Variants in EIF4G3 observed in about 807,000 individuals in gnomAD.
EIF4G3 encodes the protein eIF-4-gamma 3.
EIF4G3 carries 34 observed loss-of-function variants against 186.4 expected under a neutral mutation model. That is an observed-to-expected ratio of 0.18 (90% CI 0.14 to 0.24). The LOEUF (loss-of-function observed/expected upper bound fraction) is 0.24. EIF4G3 is among the 10% of genes least tolerant of loss of function. The probability of loss-of-function intolerance (pLI) is 1.00; values close to 1 mark genes in which losing one functional copy is unlikely to be tolerated. For missense variants in EIF4G3, 1,536 were observed against 1,948.5 expected (o/e 0.79, Z 3.99); for synonymous variants, 673 against 679.5 (o/e 0.99, Z 0.15).
chr1:20,843,138 C>T (rs573125533), intron 29 of EIF4G3, among the ~76,000 whole-genome samples: 2 of 152,078 alleles, frequency 1.3e-5, no homozygotes, highest in South Asian at 4.1e-4. Context: ...CATACCTGGC[C>T]CCTTGTGGGT....
rs55649192 is a variant in EIF4G3, at chr1:21,075,570, C to CAAAAAAA, written c.-196+13561_-196+13567dup. 2.1e-3 allele frequency among the ~76,000 whole-genome samples: 107 copies of CAAAAAAA among 51,522 alleles called. 4 individuals carry two copies. Among genetic ancestry groups the CAAAAAAA allele is most frequent in the East Asian group, 7.1e-3 (8 of 1,128 alleles). The allele number at this position is 51,522 out of a possible 152,430, so 33.8% of individuals were successfully genotyped here. A position where few individuals can be genotyped will look rare whatever the true frequency, so the allele number is the denominator to read the frequency against. On this transcript the variant is annotated intron_variant, in intron 3 of 36. Transcript: ENST00000602326. ...GGCAACAGAGTGAGACTCCAACTCACAAAAAAAAAAAAAAAAAAAAAAAAA... is the reference window on the plus strand; with the variant it reads ...GGCAACAGAGTGAGACTCCAACTCACAAAAAAAAAAAAAAAAAAAAAAAAAAAAAAAA...
chr1:20,928,377 T>C (rs1298964524), intron 14 of EIF4G3, among the ~76,000 whole-genome samples: 1 of 152,160 alleles, frequency 6.6e-6, no homozygotes, highest in Admixed American at 6.6e-5. Flanking sequence ...AATCCTTATA[T>C]AGATGCTGGT....
intron 2 of EIF4G3, among the ~76,000 whole-genome samples, chr1:21,127,663 C>CAACA (rs1486958568): frequency 6.6e-6 from 1 of 152,152 alleles, no homozygotes; most frequent in Non-Finnish European, 1.5e-5. Context: ...GGGATTCAAA[C>CAACA]AACAACTATC....
chr1:20,908,826 A>T (rs112367216), intron 14 of EIF4G3, among the ~76,000 whole-genome samples: 1 of 152,152 alleles, frequency 6.6e-6, no homozygotes, highest in Non-Finnish European at 1.5e-5. Flanking sequence ...ATGTGTTTTT[A>T]AAAATAGTTT....
In EIF4G3 at chr1:20,886,202, T is replaced by C. The variant is rs1334958199; in HGVS notation, c.2423A>G (p.Gln808Arg). The change falls in exon 19 of 37, where the codon CAG (glutamine) becomes CGG (arginine). Residue 808 changes from glutamine (Q) to arginine (R), a missense_variant and splice_region_variant. Gln to Arg is a conservative substitution (Grantham distance 43). Around this residue, in one of 11 missense-constraint regions of EIF4G3, gnomAD observed 139 missense variants for 192.8 expected, o/e 0.72. Transcript: ENST00000602326. ...QADDPENIKT[Q>R]ELFRKVRSIL... Reference sequence around the variant, plus strand: ...GTTAGGATATGCTTTTGTTCTCACCTGGGTTTTAATGTTTTCGGGATCATC... The same window carrying C: ...GTTAGGATATGCTTTTGTTCTCACCCGGGTTTTAATGTTTTCGGGATCATC... 3.7e-6 allele frequency: 6 copies of C among 1,611,292 alleles called. No individual in the cohort carries two copies. The highest frequency in any genetic ancestry group is 5.1e-6 in the Non-Finnish European group (6 of 1,179,216).
At chr1:20,985,277 A>C (rs2079197137) in intron 7 of EIF4G3, among the ~76,000 whole-genome samples, 1 of 152,264 alleles carries the variant, frequency 6.6e-6, no homozygotes, top group African/African-American at 2.4e-5. Context: ...AATTTCTTCT[A>C]CCTACACAAC....
At chr1:20,928,017 T>C (rs1572972252) in intron 14 of EIF4G3, among the ~76,000 whole-genome samples, 1 of 151,752 alleles carries the variant, frequency 6.6e-6, no homozygotes. Flanking sequence ...ACCACCATGC[T>C]TGGCTAATTT....
intron 36 of EIF4G3, among the ~76,000 whole-genome samples, chr1:20,809,360 A>T (rs550831669): frequency 6.6e-6 from 1 of 152,324 alleles, no homozygotes; most frequent in African/African-American, 2.4e-5. Context: ...TTTATCTCCA[A>T]GAGCGATTCA....
chr1:21,132,985 T>C (rs1026407244), intron 2 of EIF4G3, among the ~76,000 whole-genome samples: 1 of 151,746 alleles, frequency 6.6e-6, no homozygotes, highest in African/African-American at 2.4e-5. Flanking sequence ...GATTTCACCA[T>C]GTTGTCCAGG....
chr1:21,151,236 C>CTTTTTTTTTTTTTTTTTT (rs71014161), intron 2 of EIF4G3, among the ~76,000 whole-genome samples: 9 of 80,406 alleles, frequency 1.1e-4, no homozygotes, highest in South Asian at 5.4e-4. Flanking sequence ...GTATTTCTTT[C>CTTTTTTTTTTTTTTTTTT]TTTTTTTTTT....
chr1:21,165,595 G>A (rs1474554743), intron 2 of EIF4G3, among the ~76,000 whole-genome samples: 2 of 152,082 alleles, frequency 1.3e-5, no homozygotes, highest in Non-Finnish European at 2.9e-5. Flanking sequence ...AAATACATTA[G>A]TCCATTTACG....
chr1:21,085,043 C>T (rs1187843667), intron 3 of EIF4G3, among the ~76,000 whole-genome samples: 2 of 150,430 alleles, frequency 1.3e-5, no homozygotes, highest in Non-Finnish European at 3.0e-5. Flanking sequence ...AATATATAAC[C>T]ATTTATTATT....
At position 20,828,273 on chromosome 1, in the gene EIF4G3, G is replaced by A. The variant is rs898435040; in HGVS notation, c.4188-575C>T. 1.3e-5 allele frequency among the ~76,000 whole-genome samples: 2 copies of A among 151,942 alleles called. 1 individual carries two copies. Among genetic ancestry groups the A allele is most frequent in the South Asian group, 4.2e-4 (2 of 4,816 alleles). On this transcript the variant is annotated intron_variant, in intron 31 of 36. Coordinates refer to ENST00000602326, the MANE Select transcript of EIF4G3 (RefSeq NM_001391906.1). Reference sequence around the variant, plus strand: ...TTTTGATTTCCTGACCTTGTGATCCGCCTGCCTCGGCCTCCCAAAGTGCTG... The same window carrying A: ...TTTTGATTTCCTGACCTTGTGATCCACCTGCCTCGGCCTCCCAAAGTGCTG...
chr1:21,116,174 A>C (rs1350296757), intron 2 of EIF4G3, among the ~76,000 whole-genome samples: 1 of 152,166 alleles, frequency 6.6e-6, no homozygotes, highest in Non-Finnish European at 1.5e-5. Flanking sequence ...AATAACAGAA[A>C]ATTTCTCAGA....
intron 32 of EIF4G3, 34 bp from the exon 33 acceptor site, chr1:20,825,232 C>T (rs749873320): frequency 2.5e-6 from 2 of 798,244 alleles, no homozygotes; most frequent in Admixed American, 5.1e-5. Flanking sequence ...CATTTACTTT[C>T]ACAGTGGAAG....
chr1:21,136,343 C>G (rs1213220411), intron 2 of EIF4G3, among the ~76,000 whole-genome samples: 1 of 151,946 alleles, frequency 6.6e-6, no homozygotes, highest in Non-Finnish European at 1.5e-5. Context: ...ATGGTGAAAC[C>G]CCATCTCTAC....
At chr1:21,003,171 CTTT>C (rs376496321) in intron 4 of EIF4G3, among the ~76,000 whole-genome samples, 19 of 106,014 alleles carry the variant, frequency 1.8e-4, no homozygotes, top group Non-Finnish European at 3.1e-4. Context: ...TAATTTTTTT[CTTT>C]TTTTTTTTTT....
At chr1:21,018,106 T>TA (rs77494925) in intron 4 of EIF4G3, among the ~76,000 whole-genome samples, 86 of 141,534 alleles carry the variant, frequency 6.1e-4, no homozygotes, top group Admixed American at 8.5e-4. Context: ...GCCCAGTAAT[T>TA]AAAAAAAAAA....
intron 16 of EIF4G3, among the ~76,000 whole-genome samples, chr1:20,898,663 C>T (rs1488541324): frequency 6.6e-6 from 1 of 152,128 alleles, no homozygotes; most frequent in Admixed American, 6.5e-5. Context: ...TACACTCAAA[C>T]CCCACCTCCT....
Sources: allele counts gnomAD v4.1 joint callset (sites outside exome capture counted in the v4.1 genomes callset), GRCh38; gene constraint gnomAD v4.1.1; regional missense constraint gnomAD v4.1.1; transcripts MANE v1.5; gene names NCBI Gene and HGNC (gene_info 2026-07-23, HGNC 2026-07-21).